Variants in LHFPL3 observed in about 807,000 individuals in gnomAD.
The protein encoded by LHFPL3 is LHFPL tetraspan subfamily member 3 protein.
In LHFPL3, 5 loss-of-function variants were observed where a neutral mutation model predicts 19.3. That is an observed-to-expected ratio of 0.26 (90% CI 0.14 to 0.54). The LOEUF is 0.54. LHFPL3 is among the 20% of genes least tolerant of loss of function. The pLI is 0.94. For synonymous variants in LHFPL3, 133 were observed against 126.2 expected (o/e 1.05, Z -0.36); for missense variants, 249 against 307.4 (o/e 0.81, Z 1.42).
chr7:104,384,810 AAG>A lies in LHFPL3; in HGVS notation c.445+55588_445+55589del, dbSNP rs1436983889. 1.4e-4 allele frequency among the ~76,000 whole-genome samples: 21 copies of A among 148,698 alleles called. No homozygotes were observed. In the East Asian group the frequency reaches 1.6e-3, roughly 11 times the overall value. On this transcript the variant is annotated intron_variant, in intron 1 of 2. Transcript: ENST00000424859. ...TTCAAAAAAAAAAAAAAAAAAAAAA[AAG>A]AAGAATGAATATATCAAAAGAGGGG...
chr7:104,636,413 G>T (rs965562123), intron 1 of LHFPL3, among the ~76,000 whole-genome samples: 5 of 152,134 alleles, frequency 3.3e-5, no homozygotes, highest in African/African-American at 1.2e-4. Context: ...GGGTACATGT[G>T]CAGGTTTGTT....
intron 2 of LHFPL3, among the ~76,000 whole-genome samples, chr7:104,841,188 A>C (rs566127866): frequency 6.6e-6 from 1 of 152,274 alleles, no homozygotes; most frequent in East Asian, 1.9e-4. Flanking sequence ...TTATAGAAAA[A>C]TGCACAAAAA....
intron 1 of LHFPL3, among the ~76,000 whole-genome samples, chr7:104,359,925 T>C (rs1052958215): frequency 1.3e-5 from 2 of 152,274 alleles, no homozygotes; most frequent in Non-Finnish European, 2.9e-5. Flanking sequence ...TGGTTTTATT[T>C]TTTTCCAATG....
intron 1 of LHFPL3, among the ~76,000 whole-genome samples, chr7:104,394,143 A>G (rs1791136030): frequency 6.6e-6 from 1 of 152,222 alleles, no homozygotes; most frequent in Non-Finnish European, 1.5e-5. Context: ...CTCTACTTCA[A>G]CATTTTGGCA....
chr7:104,536,699 C>T (rs555589305), intron 1 of LHFPL3, among the ~76,000 whole-genome samples: 1 of 152,148 alleles, frequency 6.6e-6, no homozygotes, highest in South Asian at 2.1e-4. Context: ...TAATTTAATT[C>T]TTTTACACCA....
At chr7:104,542,919 T>C (rs1468334945) in intron 1 of LHFPL3, among the ~76,000 whole-genome samples, 1 of 152,088 alleles carries the variant, frequency 6.6e-6, no homozygotes, top group African/African-American at 2.4e-5. Context: ...CCATCAGTGA[T>C]AGACTGGATA....
chr7:104,828,830 T>A (rs990910193), intron 2 of LHFPL3, among the ~76,000 whole-genome samples: 9 of 151,106 alleles, frequency 6.0e-5, no homozygotes, highest in African/African-American at 2.2e-4. Context: ...AGGTCAGGAG[T>A]TCGAGACCAG....
At chr7:104,332,503 T>C (rs529636915) in intron 1 of LHFPL3, among the ~76,000 whole-genome samples, 39 of 152,274 alleles carry the variant, frequency 2.6e-4, no homozygotes, top group African/African-American at 8.9e-4. Context: ...AGTGCTGGGA[T>C]TACAGGCGTG....
chr7:104,334,744 G>A (rs971148703), intron 1 of LHFPL3, among the ~76,000 whole-genome samples: 1 of 152,142 alleles, frequency 6.6e-6, no homozygotes, highest in African/African-American at 2.4e-5. Context: ...GCTTTCTGAT[G>A]TATAGGTAAT....
chr7:104,531,928 T>C (rs1420320392), intron 1 of LHFPL3, among the ~76,000 whole-genome samples: 1 of 152,006 alleles, frequency 6.6e-6, no homozygotes, highest in Non-Finnish European at 1.5e-5. Context: ...GGATGCAGAT[T>C]GGTGGCTTTG....
chr7:104,374,762 A>G (rs1330894821), intron 1 of LHFPL3, among the ~76,000 whole-genome samples: 1 of 152,154 alleles, frequency 6.6e-6, no homozygotes, highest in Non-Finnish European at 1.5e-5. Context: ...TGATTCTGGA[A>G]CCTACTAGAA....
chr7:104,645,050 G>A (rs1404221824), intron 1 of LHFPL3, among the ~76,000 whole-genome samples: 1 of 152,172 alleles, frequency 6.6e-6, no homozygotes, highest in African/African-American at 2.4e-5. Context: ...CCAAGAGGCA[G>A]CCATTCAGGT....
intron 2 of LHFPL3, among the ~76,000 whole-genome samples, chr7:104,768,055 A>G (rs1312582929): frequency 6.6e-6 from 1 of 151,850 alleles, no homozygotes; most frequent in Non-Finnish European, 1.5e-5. Flanking sequence ...AAAAGAAGCT[A>G]CTGACTTCTT....
At chr7:104,856,595 T>C (rs138513253) in intron 2 of LHFPL3, among the ~76,000 whole-genome samples, 2 of 152,194 alleles carry the variant, frequency 1.3e-5, no homozygotes, top group East Asian at 1.9e-4. Flanking sequence ...GTGGTGCAAT[T>C]TGAGAACCAC....
intron 1 of LHFPL3, among the ~76,000 whole-genome samples, chr7:104,706,775 C>G (rs936684917): frequency 1.6e-4 from 25 of 152,152 alleles, no homozygotes; most frequent in African/African-American, 4.8e-4. Context: ...TTTCTTTGGT[C>G]AATTGTATGG....
At chr7:104,503,543 G>C (rs896116505) in intron 1 of LHFPL3, among the ~76,000 whole-genome samples, 4 of 151,992 alleles carry the variant, frequency 2.6e-5, no homozygotes, top group Non-Finnish European at 4.4e-5. Flanking sequence ...TCATTTCCAT[G>C]TTTAAGAGTT....
At chr7:104,365,797 A>AAAAAAGAAAAG (rs1554381869) in intron 1 of LHFPL3, among the ~76,000 whole-genome samples, 3 of 125,968 alleles carry the variant, frequency 2.4e-5, no homozygotes, top group Non-Finnish European at 3.3e-5. Flanking sequence ...CAAAAAAAAA[A>AAAAAAGAAAAG]AAAAAAAAGA....
At chr7:104,676,657 G>C (rs1792598963) in intron 1 of LHFPL3, among the ~76,000 whole-genome samples, 1 of 152,222 alleles carries the variant, frequency 6.6e-6, no homozygotes, top group Admixed American at 6.5e-5. Context: ...ACTTAGAAAT[G>C]TTTAGCCTCA....
intron 1 of LHFPL3, among the ~76,000 whole-genome samples, chr7:104,508,617 AATAT>A (rs71155503): frequency 6.5e-5 from 8 of 123,938 alleles, no homozygotes; most frequent in African/African-American, 2.6e-4. Context: ...AATAAAAAAA[AATAT>A]ATATATATAC....
Sources: gnomAD v4.1 joint callset for allele counts (sites outside exome capture counted in the v4.1 genomes callset) on GRCh38, gnomAD v4.1.1 for gene constraint, MANE v1.5 for transcripts, NCBI Gene and HGNC (gene_info 2026-07-23, HGNC 2026-07-21) for gene names.